LZTR1: variants seen among roughly 807,000 people sequenced by gnomAD.
LZTR1 encodes the protein leucine-zipper-like transcriptional regulator 1.
In LZTR1, 260 loss-of-function variants were observed where a neutral mutation model predicts 105.7. The ratio of observed to expected loss-of-function variants is 2.46; its 90% confidence interval spans 2.22 to 2.72. The LOEUF is 2.72. Among genes scored for constraint, LZTR1 ranks in the 30% most tolerant of loss-of-function variants. The pLI, the probability that LZTR1 is intolerant of heterozygous loss-of-function variation, is 0.00. For synonymous variants in LZTR1, 490 were observed against 476.4 expected (o/e 1.03, Z -0.37); for missense variants, 1,214 against 1,166.9 (o/e 1.04, Z -0.59).
rs1459786357 is a variant in LZTR1 at position 20,982,334 on chromosome 22, T to A, written c.-38T>A. The A allele has an allele frequency of 2.9e-5, 44 of 1,493,790 alleles. No homozygotes were observed. The highest frequency in any genetic ancestry group is 4.2e-5 in the Admixed American group (2 of 47,074). The allele number at this position is 1,493,790 out of a possible 1,614,324, so 92.5% of individuals were successfully genotyped here. On this transcript the variant is annotated 5_prime_UTR_variant, in exon 1 of 21. The change creates a new upstream start codon in the 5' untranslated region. Transcript: ENST00000646124. ...GCCGGCCCGGGGCGGTGGCCGCAAG[T>A]TGGGCTTACAGCGCGGCCGATCCGG... is the stretch of plus-strand genomic sequence containing the variant.
At chr22:20,991,965 G>T in intron 9 of LZTR1, 136 bp downstream of exon 9, 1 of 894,926 alleles carries the variant, frequency 1.1e-6, no homozygotes, top group South Asian at 1.7e-5. Context: ...GGACACCTGG[G>T]CCTCAGCCCT....
intron 5 of LZTR1, among the ~76,000 whole-genome samples, chr22:20,988,383 TCACTTGAGCC>T (rs1411533406): frequency 1.3e-5 from 2 of 152,234 alleles, no homozygotes; most frequent in African/African-American, 4.8e-5. Flanking sequence ...GGTGGGAAGA[TCACTTGAGCC>T]CATGACTTCA....
Position 20,992,277 on chromosome 22 carries a change from G to T in LZTR1, c.1057G>T (p.Glu353Ter). The T allele has an allele frequency of 6.2e-7, 1 of 1,614,034 alleles. No individual in the cohort carries two copies. Among genetic ancestry groups the T allele is most frequent in the South Asian group, 1.1e-5 (1 of 91,090 alleles). Residue 353 changes from glutamate (E) to a stop codon, truncating the protein, a stop_gained, in exon 10 of 21, where the codon GAG becomes TAG. Transcript: ENST00000646124. LOFTEE classifies it high-confidence loss of function. ...CGAGGAGGTGCCCACCCTGACCTAT[G>T]AGGAGCGGGTTGGCTTCAAGAAGTC... is the stretch of plus-strand genomic sequence containing the variant. ...ASEEVPTLTY[E>*]ERVGFKKSRD...
At chr22:20,986,218 A>C in intron 3 of LZTR1, 1 of 270,510 alleles carries the variant, frequency 3.7e-6, no homozygotes, top group Non-Finnish European at 6.9e-6. Flanking sequence ...TGATTTTGTA[A>C]GATGGCTAGT....
intron 3 of LZTR1, chr22:20,986,456 T>TGATA (rs113156754): frequency 0.4 from 60,705 of 151,258 alleles, 12,555 homozygotes; most frequent in South Asian, 0.53. Flanking sequence ...CAAAGAGAGA[T>TGATA]GATAGATAGA....
rs145955180 is a variant in LZTR1 at position 20,991,727 on chromosome 22, T to C, written c.891T>C (p.Tyr297=). The C allele has an allele frequency of 4.4e-6, 7 of 1,583,466 alleles. No homozygotes were observed. The highest frequency in any genetic ancestry group is 1.7e-4 in the Middle Eastern group (1 of 5,924). The change falls in exon 9 of 21, where the codon TAT becomes TAC. Residue 297 remains tyrosine (Y), a synonymous_variant. Transcript: ENST00000646124. Reference sequence around the variant, plus strand: ...TGGTGGCCTTTGACCGCCACCTCTATGTGTTTGGGGGTGCGGCCGACAACA... The same window carrying C: ...TGGTGGCCTTTGACCGCCACCTCTACGTGTTTGGGGGTGCGGCCGACAACA... ...HTMVAFDRHL[Y]VFGGAADNTL... is the part of the protein sequence containing the mutation.
intron 9 of LZTR1, 95 bp from the exon 10 acceptor site, chr22:20,992,119 C>A: frequency 7.8e-7 from 1 of 1,283,472 alleles, no homozygotes; most frequent in Non-Finnish European, 1.1e-6. Context: ...TTCCTTCTTT[C>A]AGAACCCACT....
Position 20,992,300 on chromosome 22 carries a change from G to T in LZTR1, c.1080G>T (p.Lys360Asn). 6.2e-7 allele frequency: 1 copy of T among 1,613,978 alleles called. No homozygotes were observed. The highest frequency in any genetic ancestry group is 1.1e-5 in the South Asian group (1 of 91,084). ...ATGAGGAGCGGGTTGGCTTCAAGAAGTCCCGAGATGTGTTTGGCCTGGACT... is the reference window on the plus strand; with the variant it reads ...ATGAGGAGCGGGTTGGCTTCAAGAATTCCCGAGATGTGTTTGGCCTGGACT... ...LTYEERVGFK[K>N]SRDVFGLDFG... Residue 360 changes from lysine (K) to asparagine (N), a missense_variant, in exon 10 of 21, where the codon AAG becomes AAT. Transcript: ENST00000646124.
Position 20,996,954 on chromosome 22 carries a change from C to G in LZTR1, c.2394C>G (p.His798Gln). The change falls in exon 20 of 21, where the codon CAC (histidine) becomes CAG (glutamine). Residue 798 changes from histidine (H) to glutamine (Q), a missense_variant. Transcript: ENST00000646124. The stretch of plus-strand genomic sequence containing the variant: ...GGCACTGCCTGCACATCATTGTGCA[C>G]CAGTTCACCAAGGTCAGGGCTCTGG... The part of the protein sequence containing the change: ...MKRHCLHIIV[H>Q]QFTKVSKLPT... The G allele has an allele frequency of 1.2e-6, 2 of 1,613,606 alleles. No homozygotes were observed. Among genetic ancestry groups the G allele is most frequent in the Non-Finnish European group, 1.7e-6 (2 of 1,179,862 alleles).
chr22:20,987,926 G>A (rs1924454321), intron 4 of LZTR1, 84 bp from the exon 5 acceptor site: 3 of 824,040 alleles, frequency 3.6e-6, no homozygotes, highest in Admixed American at 2.1e-5. Flanking sequence ...TTTTCAGGGG[G>A]GCCAGATTCT....
In LZTR1 at chr22:20,994,228, T is replaced by C; in HGVS notation, c.1574T>C (p.Met525Thr). 1 of 1,600,412 alleles carries C rather than the reference T, an allele frequency of 6.2e-7. No individual in the cohort carries two copies. Among genetic ancestry groups the C allele is most frequent in the South Asian group, 1.1e-5 (1 of 91,014 alleles). The change falls in exon 14 of 21, where the codon ATG becomes ACG. Residue 525 changes from methionine to threonine, a missense_variant. Physicochemically the swap from Met to Thr is moderately conservative, Grantham distance 81. Coordinates refer to ENST00000646124, the MANE Select transcript of LZTR1 (RefSeq NM_006767.4). ...GAGGCCCGGCCCTTCGAGGTGCTCA[T>C]GCAGTTCCTCTACACCGACAAGATC... ...EAEARPFEVL[M>T]QFLYTDKIKY...
chr22:20,991,735 G>A lies in LZTR1; in HGVS notation c.899G>A (p.Gly300Glu). The change falls in exon 9 of 21, where the codon GGG (glycine) becomes GAG (glutamate). Residue 300 changes from glycine to glutamate, a missense_variant. Physicochemically the swap from Gly to Glu is moderately conservative, Grantham distance 98. Transcript: ENST00000646124. ...VAFDRHLYVF[G>E]GAADNTLPNE... is the part of the protein sequence containing the mutation. ...TTTGACCGCCACCTCTATGTGTTTG[G>A]GGGTGCGGCCGACAACACGCTGCCC... The A allele has an allele frequency of 1.3e-6, 2 of 1,576,994 alleles. No individual in the cohort carries two copies. The highest frequency in any genetic ancestry group is 1.2e-5 in the South Asian group (1 of 86,392).
At chr22:20,985,600 T>C (rs1198606396) in intron 2 of LZTR1, among the ~76,000 whole-genome samples, 1 of 151,872 alleles carries the variant, frequency 6.6e-6, no homozygotes, top group Admixed American at 6.5e-5. Flanking sequence ...ATTCATGCTT[T>C]GGTCCTGACC....
chr22:20,985,741 A>G (rs573670514), intron 2 of LZTR1, 100 bp from the exon 3 acceptor site: 1,120 of 1,121,132 alleles, frequency 1.0e-3, no homozygotes, highest in Middle Eastern at 1.6e-3. Flanking sequence ...CCAGCCCACA[A>G]CAGCCCCCTA....
At position 20,983,086 on chromosome 22, in the gene LZTR1, A is replaced by G. The variant is rs971970608; in HGVS notation, c.260A>G (p.Asn87Ser). The change falls in exon 2 of 21, where the codon AAT becomes AGT. Residue 87 changes from asparagine (N) to serine (S), a missense_variant. Coordinates refer to ENST00000646124, the MANE Select transcript of LZTR1 (RefSeq NM_006767.4). ...GCCATTTATGTATTTGGTGGAGACAATGGGTGAGTGAGTCTCAGCATCAGT... is the reference window on the plus strand; with the variant it reads ...GCCATTTATGTATTTGGTGGAGACAGTGGGTGAGTGAGTCTCAGCATCAGT... The part of the protein sequence containing the change: ...KDAIYVFGGD[N>S]GKTMLNDLLR... 1.9e-6 allele frequency: 3 copies of G among 1,613,506 alleles called. No individual in the cohort carries two copies. The African/African-American group carries it at 4.0e-5, about 22-fold the overall frequency.
chr22:20,987,363 G>A (rs535898574), intron 3 of LZTR1, 141 bp from the exon 4 acceptor site: 18 of 595,346 alleles, frequency 3.0e-5, no homozygotes, highest in African/African-American at 5.6e-5. Flanking sequence ...CACTCCAGCC[G>A]GGACGACAGA....
Position 20,997,026 on chromosome 22 carries a change from C to T in LZTR1, c.2406+60C>T, listed in dbSNP as rs367973716. The T allele has an allele frequency of 5.8e-6, 9 of 1,561,520 alleles. No individual in the cohort carries two copies. In the African/African-American group the frequency reaches 9.5e-5, roughly 16 times the overall value. On this transcript the variant is annotated intron_variant, in intron 20 of 20. Transcript: ENST00000646124. ...CCCCTTGGCAGTGGCCATGCCCAGG[C>T]AGGGAGGGTGCCCAGGCTCTGTGGT...
Position 20,997,972 on chromosome 22 carries a change from C to G in LZTR1, c.*624C>G, listed in dbSNP as rs55783704. On this transcript the variant is annotated 3_prime_UTR_variant, in exon 21 of 21. Coordinates refer to ENST00000646124, the MANE Select transcript of LZTR1 (RefSeq NM_006767.4). The stretch of plus-strand genomic sequence containing the variant: ...CCAGGTCGGTCGTGCTGGGCCAGGC[C>G]TGGTTTTCACAGGGGCTGAAGGATC... 955 of 152,448 alleles carry G rather than the reference C, an allele frequency of 6.3e-3. 4 individuals carry two copies. Among genetic ancestry groups the G allele is most frequent in the Non-Finnish European group, 0.01 (703 of 68,190 alleles). 9.4% of individuals were successfully genotyped at this position (152,448 alleles called of 1,614,324 possible). A position where few individuals can be genotyped will look rare whatever the true frequency, so the allele number is the denominator to read the frequency against.
chr22:20,995,336 C>G, intron 16 of LZTR1: 1 of 631,824 alleles, frequency 1.6e-6, no homozygotes, highest in Non-Finnish European at 3.0e-6. Context: ...GGTGATCAGT[C>G]TCTGGACTTC....
Sources: allele counts gnomAD v4.1 joint callset (sites outside exome capture counted in the v4.1 genomes callset), GRCh38; gene constraint gnomAD v4.1.1; transcripts MANE v1.5; gene names NCBI Gene and HGNC (gene_info 2026-07-23, HGNC 2026-07-21).